Variants in DGKI observed in about 807,000 individuals in gnomAD.
The protein encoded by DGKI is diacylglycerol kinase iota, also known as DAG kinase iota.
DGKI carries 55 observed loss-of-function variants against 147.5 expected under a neutral mutation model. That is an observed-to-expected ratio of 0.37 (90% CI 0.30 to 0.47). DGKI has a LOEUF of 0.47. Among genes scored for constraint, DGKI ranks in the 20% least tolerant of loss-of-function variants. The pLI, the probability that DGKI is intolerant of heterozygous loss-of-function variation, is 1.00. For synonymous variants in DGKI, 469 were observed against 477.1 expected (o/e 0.98, Z 0.22); for missense variants, 1,007 against 1,323.8 (o/e 0.76, Z 3.71).
intron 19 of DGKI, among the ~76,000 whole-genome samples, chr7:137,564,096 G>C (rs1466751259): frequency 6.6e-6 from 1 of 152,116 alleles, no homozygotes; most frequent in African/African-American, 2.4e-5. Context: ...ATAGAATCTA[G>C]ACACCAAGCA....
intron 27 of DGKI, among the ~76,000 whole-genome samples, chr7:137,456,900 C>T (rs1483952126): frequency 6.6e-6 from 1 of 152,158 alleles, no homozygotes; most frequent in Non-Finnish European, 1.5e-5. Flanking sequence ...TCCATTTCCT[C>T]CGAGTGGTTT....
chr7:137,797,406 G>A (rs1797065333), intron 1 of DGKI, among the ~76,000 whole-genome samples: 1 of 152,092 alleles, frequency 6.6e-6, no homozygotes, highest in African/African-American at 2.4e-5. Context: ...ATGAAGGACA[G>A]TATTAATAAG....
At position 137,602,251 on chromosome 7, in the gene DGKI, G is replaced by A. The variant is rs1258539540; in HGVS notation, c.1168-2346C>T. Among the ~76,000 whole-genome samples the A allele has an allele frequency of 2.0e-5, 3 of 152,152 alleles. No homozygotes were observed. In the East Asian group the frequency reaches 5.8e-4, roughly 29 times the overall value. The stretch of plus-strand genomic sequence containing the variant: ...GTGCTATAGTAGAGTGCACAGCTCA[G>A]CTTCAGCCTCTCCATTATGCAAATA... On this transcript the variant is annotated intron_variant, in intron 10 of 32. Transcript: ENST00000614521.
chr7:137,730,141 T>A (rs1486691044), intron 1 of DGKI, among the ~76,000 whole-genome samples: 1 of 152,098 alleles, frequency 6.6e-6, no homozygotes, highest in Non-Finnish European at 1.5e-5. Flanking sequence ...CCTATAGCTC[T>A]AATAGGCCGC....
At chr7:137,693,095 T>C (rs1823666274) in intron 1 of DGKI, among the ~76,000 whole-genome samples, 1 of 152,232 alleles carries the variant, frequency 6.6e-6, no homozygotes, top group African/African-American at 2.4e-5. Context: ...TTATTATATC[T>C]CAGACCTCAA....
chr7:137,630,639 T>C (rs1225982978), intron 6 of DGKI, among the ~76,000 whole-genome samples: 1 of 152,248 alleles, frequency 6.6e-6, no homozygotes, highest in Non-Finnish European at 1.5e-5. Context: ...CCTATAACAA[T>C]GGCAACTGAT....
intron 14 of DGKI, 80 bp from the exon 15 acceptor site, chr7:137,582,008 C>G (rs1819213977): frequency 1.7e-6 from 2 of 1,172,368 alleles, no homozygotes; most frequent in Non-Finnish European, 1.3e-6. Context: ...AGCTGGACCC[C>G]TATCTCTGAA....
At chr7:137,563,235 T>C (rs906514640) in intron 19 of DGKI, among the ~76,000 whole-genome samples, 2 of 151,830 alleles carry the variant, frequency 1.3e-5, no homozygotes, top group South Asian at 2.1e-4. Context: ...CTCAGGAAAG[T>C]AGGAATGAAA....
At chr7:137,819,979 T>C (rs555801341) in intron 1 of DGKI, among the ~76,000 whole-genome samples, 5 of 152,312 alleles carry the variant, frequency 3.3e-5, no homozygotes, top group African/African-American at 1.2e-4. Flanking sequence ...GCCCCTTCCT[T>C]CATCATCCCA....
chr7:137,420,197 A>G (rs1227122329), intron 28 of DGKI, among the ~76,000 whole-genome samples: 1 of 152,194 alleles, frequency 6.6e-6, no homozygotes, highest in Non-Finnish European at 1.5e-5. Context: ...GCTGGGTTCC[A>G]AAAGCAACCA....
At chr7:137,439,604 T>C (rs1439399322) in intron 28 of DGKI, among the ~76,000 whole-genome samples, 1 of 152,182 alleles carries the variant, frequency 6.6e-6, no homozygotes, top group African/African-American at 2.4e-5. Context: ...ATTATTACAA[T>C]TCAAGGTGAG....
chr7:137,389,739 T>C lies in DGKI; in HGVS notation c.*1481A>G, dbSNP rs1811289720. ...TAAGAGAGGTACCTGTAAGTACCAT[T>C]CGATCCGTGGCAGGTTTAGATGTTA... is the stretch of plus-strand genomic sequence containing the variant. On this transcript the variant is annotated 3_prime_UTR_variant, in exon 33 of 33. Coordinates refer to ENST00000614521, the MANE Select transcript of DGKI (RefSeq NM_001321708.2). 1.3e-5 allele frequency: 2 copies of C among 152,180 alleles called. No individual in the cohort carries two copies. The highest frequency in any genetic ancestry group is 2.9e-5 in the Non-Finnish European group (2 of 68,036). The allele number at this position is 152,180 out of a possible 1,614,324, so 9.4% of individuals were successfully genotyped here. A position where few individuals can be genotyped will look rare whatever the true frequency, so the allele number is the denominator to read the frequency against.
intron 1 of DGKI, among the ~76,000 whole-genome samples, chr7:137,754,035 A>G (rs894726719): frequency 2.6e-5 from 4 of 152,108 alleles, no homozygotes; most frequent in African/African-American, 7.2e-5. Flanking sequence ...CTATGTTGTC[A>G]GTGAGGAGGA....
At chr7:137,844,906 A>G (rs1442035357) in intron 1 of DGKI, among the ~76,000 whole-genome samples, 1 of 152,052 alleles carries the variant, frequency 6.6e-6, no homozygotes, top group Non-Finnish European at 1.5e-5. Context: ...CCCCCTTCCA[A>G]CTCACAGCTC....
intron 23 of DGKI, among the ~76,000 whole-genome samples, chr7:137,485,054 T>C (rs575899786): frequency 3.5e-4 from 53 of 152,150 alleles, no homozygotes; most frequent in South Asian, 1.7e-3. Flanking sequence ...TCTGGACTTT[T>C]TGCTTATGTG....
intron 10 of DGKI, among the ~76,000 whole-genome samples, chr7:137,605,396 T>G (rs74957677): frequency 0.016 from 2,314 of 148,116 alleles, 63 homozygotes; most frequent in African/African-American, 0.055. Context: ...GAAATTTTGG[T>G]CCCTGATTCC....
At chr7:137,430,685 G>C (rs1039891418) in intron 28 of DGKI, among the ~76,000 whole-genome samples, 2 of 152,128 alleles carry the variant, frequency 1.3e-5, no homozygotes, top group Admixed American at 1.3e-4. Flanking sequence ...TGATTTCCTA[G>C]AGAAGGTAAA....
chr7:137,846,812 G>T lies in DGKI; in HGVS notation c.51C>A (p.Arg17=). The T allele has an allele frequency of 1.8e-6, 2 of 1,138,340 alleles. No individual in the cohort carries two copies. Among genetic ancestry groups the T allele is most frequent in the Non-Finnish European group, 2.2e-6 (2 of 928,212 alleles). The allele number at this position is 1,138,340 out of a possible 1,614,324, so 70.5% of individuals were successfully genotyped here. The change falls in exon 1 of 33, where the codon CGC becomes CGA. Residue 17 remains arginine (R), a synonymous_variant. Coordinates refer to ENST00000614521, the MANE Select transcript of DGKI (RefSeq NM_001321708.2). The surrounding 1 kb of genome is among the most constrained non-coding windows in gnomAD (Gnocchi z 4.0). The stretch of plus-strand genomic sequence containing the variant: ...CGGCTGCAGGAGCGCGGGCAGGTCC[G>T]CGCGCCGCTGGCAGGGGCAGCAAAT... The part of the protein sequence containing the change: ...GCHLLPLPAA[R]GPARAPAAAA...
chr7:137,398,593 T>C (rs150141131), intron 30 of DGKI, among the ~76,000 whole-genome samples: 18 of 152,200 alleles, frequency 1.2e-4, no homozygotes, highest in South Asian at 8.3e-4. Context: ...TTGTGCATAG[T>C]AAGAAGGGGT....
Sources: allele counts gnomAD v4.1 joint callset (sites outside exome capture counted in the v4.1 genomes callset), GRCh38; gene constraint gnomAD v4.1.1; non-coding constraint Gnocchi (gnomAD v3.1); transcripts MANE v1.5; gene names NCBI Gene and HGNC (gene_info 2026-07-23, HGNC 2026-07-21).